Variants in CLPTM1L observed in about 807,000 individuals in gnomAD.
CLPTM1L encodes CLPTM1 like.
A neutral mutation model predicts 70.9 loss-of-function variants in CLPTM1L; 38 were observed. The observed-to-expected ratio is 0.54, with a 90% CI of 0.41 to 0.70. The LOEUF is 0.70. Ranked by LOEUF, CLPTM1L falls within the 30% of genes least tolerant of loss-of-function variation. CLPTM1L has a pLI of 0.00. For synonymous variants in CLPTM1L, 339 were observed against 299.9 expected, an observed-to-expected ratio of 1.13 and a Z score of -1.35; for missense variants, 652 against 705.9, an observed-to-expected ratio of 0.92 and a Z score of 0.87.
intron 10 of CLPTM1L, 77 bp from the exon 11 acceptor site, chr5:1,324,890 G>A (rs1196405344): frequency 1.0e-5 from 14 of 1,345,592 alleles, no homozygotes; most frequent in South Asian, 2.3e-5. Flanking sequence ...ACTAAGGGGC[G>A]TCACATATGG....
At chr5:1,321,538 TG>T in intron 15 of CLPTM1L, 96 bp downstream of exon 15, 1 of 1,072,514 alleles carries the variant, frequency 9.3e-7, no homozygotes, top group Non-Finnish European at 1.5e-6. Context: ...AGATGCACTC[TG>T]GGCAGAGATG....
rs181491491 is a variant in CLPTM1L at position 1,334,123 on chromosome 5, G to T, written c.891+166C>A. Reference sequence around the variant, plus strand: ...GGAGAAACCGCCCACTGGGACAATGGTCGCCTGGTGTCAGGCGTGCTGGCT... The same window carrying T: ...GGAGAAACCGCCCACTGGGACAATGTTCGCCTGGTGTCAGGCGTGCTGGCT... On this transcript the variant is annotated intron_variant, in intron 7 of 16. Transcript: ENST00000320895. Among the ~76,000 whole-genome samples the T allele has an allele frequency of 5.7e-4, 87 of 152,294 alleles. 1 individual carries two copies. In the East Asian group the frequency reaches 0.011, roughly 19 times the overall value.
chr5:1,338,930 T>C lies in CLPTM1L; in HGVS notation c.529A>G (p.Asn177Asp), dbSNP rs1366179644. 1.9e-6 allele frequency: 3 copies of C among 1,613,370 alleles called. No homozygotes were observed. Among genetic ancestry groups the C allele is most frequent in the Non-Finnish European group, 2.5e-6 (3 of 1,180,044 alleles). ...VSHWRPRLAL[N>D]VMADNFVFDG... ...AAGACAAAGTTGTCCGCCATCACGT[T>C]CAGCGCCAGCCGCGGTCGCCAGTGG... The change falls in exon 4 of 17, where the codon AAC (asparagine) becomes GAC (aspartate). Residue 177 changes from asparagine (N) to aspartate (D), a missense_variant. Physicochemically the swap from Asn to Asp is conservative, Grantham distance 23. This residue lies in a region of CLPTM1L where 402 missense variants were observed against 388.2 expected (regional missense o/e 1.04). Coordinates refer to ENST00000320895, the MANE Select transcript of CLPTM1L (RefSeq NM_030782.5).
At chr5:1,324,579 C>T (rs752079036) in intron 11 of CLPTM1L, among the ~76,000 whole-genome samples, 184 bp downstream of exon 11, 10 of 152,348 alleles carry the variant, frequency 6.6e-5, no homozygotes, top group Middle Eastern at 3.4e-3. Flanking sequence ...TGAGTCTCTG[C>T]GAGCCCCCGC....
At chr5:1,319,936 G>A (rs1263730722) in intron 16 of CLPTM1L, among the ~76,000 whole-genome samples, 2 of 152,240 alleles carry the variant, frequency 1.3e-5, no homozygotes, top group African/African-American at 4.8e-5. Flanking sequence ...AGCAGAGCTG[G>A]AGGGAGGTTT....
intron 15 of CLPTM1L, 117 bp from the exon 16 acceptor site, chr5:1,320,848 C>A (rs934177109): frequency 8.8e-6 from 5 of 570,178 alleles, no homozygotes; most frequent in Non-Finnish European, 1.6e-5. Flanking sequence ...AACTGGAACT[C>A]CTCACAGCAA....
chr5:1,329,419 C>G (rs895009315), intron 9 of CLPTM1L, among the ~76,000 whole-genome samples: 1 of 146,354 alleles, frequency 6.8e-6, no homozygotes, highest in African/African-American at 2.5e-5. Context: ...GGGCCTCAGG[C>G]CTCTGCTTGG....
rs776960207 is a variant in CLPTM1L, at chr5:1,331,772, G to A, written c.976+27C>T. On this transcript the variant is annotated intron_variant, in intron 8 of 16. Coordinates refer to ENST00000320895, the MANE Select transcript of CLPTM1L (RefSeq NM_030782.5). Reference sequence around the variant, plus strand: ...GTGAGCTCCCTGGGGCAGAGTATCTGAGCAGGGCCACGCTCGGGGGGCCTA... The same window carrying A: ...GTGAGCTCCCTGGGGCAGAGTATCTAAGCAGGGCCACGCTCGGGGGGCCTA... The A allele has an allele frequency of 1.1e-5, 17 of 1,604,498 alleles. No individual in the cohort carries two copies. The South Asian group carries it at 1.6e-4, about 16-fold the overall frequency.
intron 8 of CLPTM1L, 46 bp from the exon 9 acceptor site, chr5:1,330,429 C>T: frequency 2.0e-6 from 3 of 1,504,804 alleles, no homozygotes; most frequent in Non-Finnish European, 1.8e-6. Flanking sequence ...GGGCAGACCC[C>T]ACCTGTGTTC....
chr5:1,334,823 CA>C (rs1753457620), intron 6 of CLPTM1L, among the ~76,000 whole-genome samples: 1 of 152,208 alleles, frequency 6.6e-6, no homozygotes, highest in Non-Finnish European at 1.5e-5. Context: ...TTCATTTGAC[CA>C]AACTCATGGC....
chr5:1,330,481 C>T, intron 8 of CLPTM1L, 98 bp from the exon 9 acceptor site: 1 of 913,654 alleles, frequency 1.1e-6, no homozygotes, highest in Non-Finnish European at 1.8e-6. Context: ...TCCCAACCCA[C>T]CACGCCCAAG....
In CLPTM1L at chr5:1,342,039, T is replaced by TGTGTGCGCGCGCGC. The variant is rs3222913; in HGVS notation, c.264-180_264-179insGCGCGCGCGCACAC. Among the ~76,000 whole-genome samples, 982 of 149,054 alleles carry TGTGTGCGCGCGCGC rather than the reference T, an allele frequency of 6.6e-3. 15 individuals are homozygous for TGTGTGCGCGCGCGC. The highest frequency in any genetic ancestry group is 0.022 in the African/African-American group (873 of 39,750). On this transcript the variant is annotated intron_variant, in intron 2 of 16. Coordinates refer to ENST00000320895, the MANE Select transcript of CLPTM1L (RefSeq NM_030782.5). The surrounding 1 kb of genome is among the most constrained non-coding windows in gnomAD (Gnocchi z 4.3). ...GTGTGTGTGTGTGTGTGTGTGTGTG[T>TGTGTGCGCGCGCGC]GCACGCGCACGCGTGCGCGTCCTGA... is the stretch of plus-strand genomic sequence containing the variant.
In CLPTM1L at chr5:1,335,129, C is replaced by T. The variant is rs756950098; in HGVS notation, c.724G>A (p.Asp242Asn). 2.4e-5 allele frequency: 39 copies of T among 1,613,612 alleles called. No individual in the cohort carries two copies. The highest frequency in any genetic ancestry group is 2.7e-5 in the Non-Finnish European group (32 of 1,180,022). Residue 242 changes from aspartate to asparagine, a missense_variant, in exon 6 of 17, where the codon GAC becomes AAC. Transcript: ENST00000320895. ...TTELPLTVSY[D>N]KVSLGRLRFW... ...CGCAGCCGCCCCAGTGAGACCTTGT[C>T]GTAGGACACGGTGAGGGGCAGCTCG... is the stretch of plus-strand genomic sequence containing the variant.
chr5:1,338,412 G>C (rs2111250758), intron 4 of CLPTM1L: 3 of 273,306 alleles, frequency 1.1e-5, no homozygotes, highest in East Asian at 8.0e-5. Context: ...AGGAGTTGGG[G>C]GGGGGATCCC....
At chr5:1,324,167 G>A (rs1752361674) in intron 11 of CLPTM1L, 2 of 429,084 alleles carry the variant, frequency 4.7e-6, no homozygotes, top group East Asian at 3.6e-5. Flanking sequence ...TAAACATAAT[G>A]GAAAGAAACC....
chr5:1,321,822 G>A lies in CLPTM1L; in HGVS notation c.1316-3C>T, dbSNP rs545499814. ...GAGGAAACCAAAGGCATAGACCCCT[G>A]CAGAAAGACAGACAGCACTCACGAG... On this transcript the variant is annotated splice_region_variant and splice_polypyrimidine_tract_variant and intron_variant, in intron 13 of 16. Transcript: ENST00000320895. The A allele has an allele frequency of 1.5e-5, 24 of 1,613,462 alleles. 2 individuals carry two copies. The South Asian group carries it at 2.5e-4, about 17-fold the overall frequency.
At chr5:1,337,368 A>T (rs1291603924) in intron 5 of CLPTM1L, among the ~76,000 whole-genome samples, 5 of 152,224 alleles carry the variant, frequency 3.3e-5, no homozygotes, top group African/African-American at 9.6e-5. Context: ...ACTGCCCGTA[A>T]TCACAGGGCG....
chr5:1,338,720 G>C (rs978980163), intron 4 of CLPTM1L, 140 bp downstream of exon 4: 2 of 917,918 alleles, frequency 2.2e-6, no homozygotes, highest in African/African-American at 3.3e-5. Flanking sequence ...GAGGAAGTGG[G>C]AAAGAGCTGG....
intron 7 of CLPTM1L, among the ~76,000 whole-genome samples, chr5:1,333,547 C>T (rs76078127): frequency 2.7e-5 from 4 of 150,100 alleles, no homozygotes; most frequent in African/African-American, 1.0e-4. Context: ...GGGGGGACTA[C>T]TGTATACACA....
Sources: allele counts gnomAD v4.1 joint callset (sites outside exome capture counted in the v4.1 genomes callset), GRCh38; gene constraint gnomAD v4.1.1; regional missense constraint gnomAD v4.1.1; non-coding constraint Gnocchi (gnomAD v3.1); transcripts MANE v1.5; gene names NCBI Gene and HGNC (gene_info 2026-07-23, HGNC 2026-07-21).